The following STK32B variants were observed in gnomAD, a reference collection of about 807,000 sequenced individuals.
STK32B encodes serine/threonine-protein kinase 32B.
In STK32B, 43 loss-of-function variants were observed where a neutral mutation model predicts 52.6. The ratio of observed to expected loss-of-function variants is 0.82; its 90% CI spans 0.64 to 1.05. The LOEUF (loss-of-function observed/expected upper bound fraction) is 1.05. STK32B is among the 50% of genes least tolerant of loss of function. The probability of loss-of-function intolerance (pLI) is 0.00; values close to 1 mark genes in which losing one functional copy is unlikely to be tolerated. For synonymous variants in STK32B, 238 were observed against 204.3 expected, an observed-to-expected ratio of 1.17 and a Z score of -1.41; for missense variants, 621 against 534.6, an observed-to-expected ratio of 1.16 and a Z score of -1.59.
rs79520126 is a variant in STK32B, at chr4:5,368,409, A to G, written c.435-29798A>G. ...TATAAATGATAAGGGCTTTGCTTTC[A>G]GTAACTCACTAATCCTCACACAACG... On this transcript the variant is annotated intron_variant, in intron 4 of 11. Transcript: ENST00000282908. 8.6e-5 allele frequency among the ~76,000 whole-genome samples: 13 copies of G among 150,338 alleles called. No homozygotes were observed. The East Asian group carries it at 1.1e-3, about 13-fold the overall frequency.
chr4:5,159,632 TATATATATGAATGTATATGA>T (rs1718219894), intron 2 of STK32B, among the ~76,000 whole-genome samples: 1 of 80,088 alleles, frequency 1.2e-5, no homozygotes, highest in African/African-American at 7.7e-5. Context: ...TATATATGAA[TATATATATGAATGTATATGA>T]ATATATATAT....
At chr4:5,077,837 G>A (rs1320976548) in intron 1 of STK32B, among the ~76,000 whole-genome samples, 1 of 152,140 alleles carries the variant, frequency 6.6e-6, no homozygotes, top group African/African-American at 2.4e-5. Flanking sequence ...TATGGCAGGA[G>A]CTTCATCCTG....
intron 6 of STK32B, among the ~76,000 whole-genome samples, chr4:5,425,790 C>T (rs1394644430): frequency 1.3e-5 from 2 of 152,186 alleles, no homozygotes; most frequent in African/African-American, 4.8e-5. Context: ...ACAAAAGTTC[C>T]TCATTCCCAG....
At chr4:5,139,148 C>T (rs966854931) in intron 1 of STK32B, among the ~76,000 whole-genome samples, 11 of 152,104 alleles carry the variant, frequency 7.2e-5, no homozygotes, top group African/African-American at 2.4e-4. Context: ...AGACACTGTG[C>T]AGAGACAACA....
At chr4:5,141,755 G>T (rs2108833908) in intron 2 of STK32B, among the ~76,000 whole-genome samples, 1 of 152,196 alleles carries the variant, frequency 6.6e-6, no homozygotes, top group Non-Finnish European at 1.5e-5. Context: ...GGTATAGGGG[G>T]TCTCTGCAGT....
intron 7 of STK32B, among the ~76,000 whole-genome samples, chr4:5,455,898 G>A (rs1169609108): frequency 6.6e-6 from 1 of 152,212 alleles, no homozygotes. Flanking sequence ...TCATCGCTCA[G>A]ATTTCTCCAG....
chr4:5,239,751 A>T (rs1724880977), intron 3 of STK32B, among the ~76,000 whole-genome samples: 1 of 151,360 alleles, frequency 6.6e-6, no homozygotes, highest in Non-Finnish European at 1.5e-5. Context: ...TATACTAAAT[A>T]AGAGTCAGAA....
At chr4:5,095,778 C>T (rs1407930826) in intron 1 of STK32B, among the ~76,000 whole-genome samples, 1 of 152,192 alleles carries the variant, frequency 6.6e-6, no homozygotes, top group Non-Finnish European at 1.5e-5. Flanking sequence ...GATTAGAAGT[C>T]TCTGTGGCAG....
intron 6 of STK32B, among the ~76,000 whole-genome samples, chr4:5,445,978 C>G (rs1167861196): frequency 6.6e-6 from 1 of 152,200 alleles, no homozygotes; most frequent in African/African-American, 2.4e-5. Flanking sequence ...GTCCATTTCT[C>G]AAGGTTCTCA....
intron 3 of STK32B, among the ~76,000 whole-genome samples, chr4:5,245,834 G>A (rs1275633623): frequency 1.3e-5 from 2 of 152,092 alleles, no homozygotes; most frequent in African/African-American, 4.8e-5. Flanking sequence ...ACTTATGAAG[G>A]TTAGTTTGGT....
At chr4:5,207,614 C>T (rs16836843) in intron 3 of STK32B, among the ~76,000 whole-genome samples, 3,407 of 151,950 alleles carry the variant, frequency 0.022, 124 homozygotes, top group African/African-American at 0.076. Context: ...TGTCCCAGTC[C>T]GCGAGGGTGG....
At position 5,138,962 on chromosome 4, in the gene STK32B, C is replaced by A. The variant is rs572031453; in HGVS notation, c.53-943C>A. On this transcript the variant is annotated intron_variant, in intron 1 of 11. Coordinates refer to ENST00000282908, the MANE Select transcript of STK32B (RefSeq NM_018401.3). The stretch of plus-strand genomic sequence containing the variant: ...AAGGATTTCCTTTTTCCACTGAGAG[C>A]AATGGAGGGGACATCGGAGGGGAGG... Among the ~76,000 whole-genome samples, 23 of 152,188 alleles carry A rather than the reference C, an allele frequency of 1.5e-4. No individual in the cohort carries two copies. In the East Asian group the frequency reaches 4.4e-3, roughly 29 times the overall value.
intron 4 of STK32B, among the ~76,000 whole-genome samples, chr4:5,368,561 C>G (rs1735023080): frequency 2.0e-5 from 3 of 152,210 alleles, no homozygotes; most frequent in Admixed American, 2.0e-4. Context: ...AATGAGAGCA[C>G]TCAGGTACAG....
At chr4:5,297,726 A>G (rs929586095) in intron 3 of STK32B, among the ~76,000 whole-genome samples, 1 of 151,490 alleles carries the variant, frequency 6.6e-6, no homozygotes, top group South Asian at 2.1e-4. Context: ...AGGTTAGAAC[A>G]TGCTCCTTTA....
At chr4:5,203,732 C>T (rs1722336156) in intron 3 of STK32B, among the ~76,000 whole-genome samples, 1 of 152,124 alleles carries the variant, frequency 6.6e-6, no homozygotes, top group Non-Finnish European at 1.5e-5. Flanking sequence ...TTTTCTATTC[C>T]AACCCAAATG....
At chr4:5,436,635 T>C (rs1483524233) in intron 6 of STK32B, 3 of 985,286 alleles carry the variant, frequency 3.0e-6, no homozygotes, top group Non-Finnish European at 3.6e-6. Flanking sequence ...ATGAGCAGCA[T>C]GTGAGCAAAG....
At chr4:5,372,720 T>TGGG (rs5855850) in intron 4 of STK32B, among the ~76,000 whole-genome samples, 32 of 127,172 alleles carry the variant, frequency 2.5e-4, no homozygotes, top group African/African-American at 9.2e-4. Flanking sequence ...AGGAGAAAGT[T>TGGG]GGGGGGGGGG....
At chr4:5,099,202 C>T (rs1210994599) in intron 1 of STK32B, among the ~76,000 whole-genome samples, 3 of 152,152 alleles carry the variant, frequency 2.0e-5, no homozygotes, top group East Asian at 3.9e-4. Context: ...CTGACTCAGA[C>T]CCTTACAATT....
At chr4:5,197,603 A>G (rs1721786696) in intron 3 of STK32B, among the ~76,000 whole-genome samples, 1 of 152,244 alleles carries the variant, frequency 6.6e-6, no homozygotes, top group Non-Finnish European at 1.5e-5. Context: ...ATCACAAAGA[A>G]TTCATTCAAG....
Sources: allele counts gnomAD v4.1 joint callset (sites outside exome capture counted in the v4.1 genomes callset), GRCh38; gene constraint gnomAD v4.1.1; transcripts MANE v1.5; gene names NCBI Gene and HGNC (gene_info 2026-07-23, HGNC 2026-07-21).